The following RBAK variants were observed in gnomAD, a reference collection of about 807,000 sequenced individuals.
The protein encoded by RBAK is RB associated KRAB zinc finger.
RBAK carries 39 observed loss-of-function variants against 65.8 expected under a neutral mutation model. The observed-to-expected ratio is 0.59, with a 90% CI of 0.46 to 0.77. The LOEUF (loss-of-function observed/expected upper bound fraction) is 0.77, where lower values mean the gene tolerates loss of function less well. RBAK is among the 30% of genes least tolerant of loss of function. The probability of loss-of-function intolerance (pLI) is 0.00; values close to 1 mark genes in which losing one functional copy is unlikely to be tolerated. For missense variants in RBAK, 884 were observed against 855.1 expected, an observed-to-expected ratio of 1.03 and a Z score of -0.42; for synonymous variants, 343 against 289.7, an observed-to-expected ratio of 1.18 and a Z score of -1.87.
chr7:5,050,848 G>A (rs1280381918), intron 2 of RBAK, among the ~76,000 whole-genome samples: 5 of 152,112 alleles, frequency 3.3e-5, no homozygotes, highest in Non-Finnish European at 4.4e-5. Flanking sequence ...TGGCATTACA[G>A]GCATGAGTCA....
intron 2 of RBAK, among the ~76,000 whole-genome samples, chr7:5,054,321 C>T (rs2115031806): frequency 6.6e-6 from 1 of 151,482 alleles, no homozygotes; most frequent in African/African-American, 2.4e-5. Context: ...AGGAGAATCG[C>T]TGGAACCCGG....
rs1779186120 is a variant in RBAK at position 5,065,158 on chromosome 7, G to A, written c.1702G>A (p.Gly568Arg). ...YRSHSEEKPY[G>R]CSECGKTFSH... ...AAGTCATTCAGAAGAGAAACCTTAT[G>A]GATGTAGCGAATGTGGGAAAACCTT... is the stretch of plus-strand genomic sequence containing the variant. The change falls in exon 5 of 5, where the codon GGA becomes AGA. Residue 568 changes from glycine to arginine, a missense_variant. Gly to Arg is a moderately radical substitution (Grantham distance 125). Coordinates refer to ENST00000396912, the MANE Select transcript of RBAK (RefSeq NM_021163.4). The surrounding 1 kb of genome is among the most constrained non-coding windows in gnomAD (Gnocchi z 5.3). 1 of 1,613,798 alleles carries A rather than the reference G, an allele frequency of 6.2e-7. No homozygotes were observed. The highest frequency in any genetic ancestry group is 8.5e-7 in the Non-Finnish European group (1 of 1,179,906).
intron 4 of RBAK, among the ~76,000 whole-genome samples, chr7:5,058,687 T>C (rs1334043306): frequency 6.6e-5 from 10 of 152,194 alleles, no homozygotes; most frequent in Admixed American, 5.2e-4. Flanking sequence ...GTCTGTGTGT[T>C]CATTTCCCCT....
rs2115052907 is a variant in RBAK, at chr7:5,068,961, G to C, written c.*3360G>C. On this transcript the variant is annotated 3_prime_UTR_variant, in exon 5 of 5. Transcript: ENST00000396912. ...TGATTCCTTCTATATAAATTATAAA[G>C]ACGGGCAAAACTTGTATACGTGGTT... 6.6e-6 allele frequency: 1 copy of C among 152,304 alleles called. No homozygotes were observed. Among genetic ancestry groups the C allele is most frequent in the East Asian group, 1.9e-4 (1 of 5,192 alleles). 9.4% of individuals were successfully genotyped at this position (152,304 alleles called of 1,614,324 possible).
At chr7:5,055,298 A>G (rs1157025430) in intron 2 of RBAK, among the ~76,000 whole-genome samples, 2 of 151,954 alleles carry the variant, frequency 1.3e-5, no homozygotes, top group Non-Finnish European at 2.9e-5. Context: ...GTATATACAC[A>G]CAAACTGTAT....
Position 5,068,352 on chromosome 7 carries a change from T to A in RBAK, c.*2751T>A, listed in dbSNP as rs1779271048. The A allele has an allele frequency of 6.6e-6, 1 of 152,070 alleles. No homozygotes were observed. The highest frequency in any genetic ancestry group is 1.5e-5 in the Non-Finnish European group (1 of 68,020). 9.4% of individuals were successfully genotyped at this position (152,070 alleles called of 1,614,324 possible). A position where few individuals can be genotyped will look rare whatever the true frequency, so the allele number is the denominator to read the frequency against. ...GCACTCATAGTTTTCTGGTCCCTGATCTCGAATATGTAAAGAGCACCTACA... is the reference window on the plus strand; with the variant it reads ...GCACTCATAGTTTTCTGGTCCCTGAACTCGAATATGTAAAGAGCACCTACA... On this transcript the variant is annotated 3_prime_UTR_variant, in exon 5 of 5. Transcript: ENST00000396912.
chr7:5,064,822 C>A lies in RBAK; in HGVS notation c.1366C>A (p.Pro456Thr), dbSNP rs757611790. 6 of 1,613,916 alleles carry A rather than the reference C, an allele frequency of 3.7e-6. No homozygotes were observed. In the South Asian group the frequency reaches 6.6e-5, roughly 18 times the overall value. Residue 456 changes from proline (P) to threonine (T), a missense_variant, in exon 5 of 5, where the codon CCC (proline) becomes ACC (threonine). Pro to Thr is a conservative substitution (Grantham distance 38). Coordinates refer to ENST00000396912, the MANE Select transcript of RBAK (RefSeq NM_021163.4). The surrounding 1 kb of genome is among the most constrained non-coding windows in gnomAD (Gnocchi z 6.3). ...IHYRSHLEEK[P>T]YECNECGKTF... ...TTATAGAAGTCATTTAGAAGAGAAA[C>A]CCTATGAATGTAATGAATGTGGCAA... is the stretch of plus-strand genomic sequence containing the variant.
At chr7:5,063,593 A>C in intron 4 of RBAK, 102 bp from the exon 5 acceptor site, 1 of 897,140 alleles carries the variant, frequency 1.1e-6, no homozygotes, top group Non-Finnish European at 1.6e-6. Flanking sequence ...ATTGGCTCTA[A>C]AGCCAGAGTC....
At position 5,064,854 on chromosome 7, in the gene RBAK, C is replaced by A; in HGVS notation, c.1398C>A (p.Phe466Leu). ...AATGTAATGAATGTGGCAAAACCTT[C>A]AATTTAAATTCAGCCTTCATTAGAC... Reference protein sequence around the residue: ...PYECNECGKTFNLNSAFIRHR... With the variant: ...PYECNECGKTLNLNSAFIRHR... Residue 466 changes from phenylalanine to leucine, a missense_variant, in exon 5 of 5, where the codon TTC (phenylalanine) becomes TTA (leucine). Coordinates refer to ENST00000396912, the MANE Select transcript of RBAK (RefSeq NM_021163.4). The surrounding 1 kb of genome is among the most constrained non-coding windows in gnomAD (Gnocchi z 6.3). The A allele has an allele frequency of 1.2e-6, 2 of 1,613,878 alleles. No homozygotes were observed. The highest frequency in any genetic ancestry group is 1.7e-6 in the Non-Finnish European group (2 of 1,179,840).
Position 5,064,339 on chromosome 7 carries a change from G to C in RBAK, c.883G>C (p.Gly295Arg). The change falls in exon 5 of 5, where the codon GGG becomes CGG. Residue 295 changes from glycine (G) to arginine (R), a missense_variant. By Grantham distance (125) the Gly-to-Arg change is moderately radical. Transcript: ENST00000396912. The surrounding 1 kb of genome is among the most constrained non-coding windows in gnomAD (Gnocchi z 6.3). The part of the protein sequence containing the change: ...GEKPYECNVC[G>R]KSFSQKGTLT... Reference sequence around the variant, plus strand: ...GAAACCTTATGAATGTAATGTATGTGGGAAATCCTTCAGCCAAAAGGGAAC... The same window carrying C: ...GAAACCTTATGAATGTAATGTATGTCGGAAATCCTTCAGCCAAAAGGGAAC... 1 of 1,614,048 alleles carries C rather than the reference G, an allele frequency of 6.2e-7. No homozygotes were observed.
intron 2 of RBAK, among the ~76,000 whole-genome samples, chr7:5,052,546 A>T (rs771311325): frequency 5.3e-5 from 8 of 152,118 alleles, no homozygotes; most frequent in Non-Finnish European, 8.8e-5. Flanking sequence ...AGTGAGTTAG[A>T]ATTTATAGTA....
intron 2 of RBAK, among the ~76,000 whole-genome samples, chr7:5,052,343 CATGTA>C (rs1367332428): frequency 6.6e-6 from 1 of 152,156 alleles, no homozygotes; most frequent in African/African-American, 2.4e-5. Flanking sequence ...AGACTGTTTA[CATGTA>C]ATGTAATTAT....
Position 5,048,393 on chromosome 7 carries a change from C to CA in RBAK, c.15+305dup. On this transcript the variant is annotated intron_variant, in intron 2 of 4. Coordinates refer to ENST00000396912, the MANE Select transcript of RBAK (RefSeq NM_021163.4). The surrounding 1 kb of genome is among the most constrained non-coding windows in gnomAD (Gnocchi z 4.4). ...TTCACCATGTTGGCCAGGCTGGTCT[C>CA]AAACTCCTGACCTCAGGTGATCCTC... Among the ~76,000 whole-genome samples the CA allele has an allele frequency of 6.6e-6, 1 of 152,276 alleles. No homozygotes were observed. Among genetic ancestry groups the CA allele is most frequent in the African/African-American group, 2.4e-5 (1 of 41,548 alleles).
intron 3 of RBAK, 37 bp from the exon 4 acceptor site, chr7:5,057,647 C>A: frequency 6.2e-7 from 1 of 1,612,124 alleles, no homozygotes; most frequent in Non-Finnish European, 8.5e-7. Flanking sequence ...TGAAGCCAAG[C>A]AGCTTCCCCA....
At chr7:5,057,013 TGC>T (rs1778933768) in intron 2 of RBAK, 1 of 160,016 alleles carries the variant, frequency 6.2e-6, no homozygotes, top group East Asian at 1.9e-4. Context: ...CTAGTTCACT[TGC>T]AAAATAGGAG....
chr7:5,061,899 A>C (rs1462822005), intron 4 of RBAK, among the ~76,000 whole-genome samples: 1 of 112,658 alleles, frequency 8.9e-6, no homozygotes, highest in African/African-American at 3.9e-5. Flanking sequence ...CTCCATCTAC[A>C]AAAAAAAAAA....
chr7:5,052,349 A>G (rs1788134216), intron 2 of RBAK, among the ~76,000 whole-genome samples: 1 of 152,146 alleles, frequency 6.6e-6, no homozygotes, highest in South Asian at 2.1e-4. Context: ...TTTACATGTA[A>G]TGTAATTATT....
rs111709293 is a variant in RBAK at position 5,046,341 on chromosome 7, A to G, written c.-100A>G. 1 of 515,238 alleles carries G rather than the reference A, an allele frequency of 1.9e-6. No individual in the cohort carries two copies. Among genetic ancestry groups the G allele is most frequent in the South Asian group, 1.4e-5 (1 of 71,278 alleles). 31.9% of individuals were successfully genotyped at this position (515,238 alleles called of 1,614,324 possible). On this transcript the variant is annotated 5_prime_UTR_variant, in exon 1 of 5. Transcript: ENST00000396912. ...CGAGCAGACGCGCGCCAGCGACAGC[A>G]GCCCCGCCCCGGCCTCTCGGGAGCC...
chr7:5,063,437 C>G (rs1373852535), intron 4 of RBAK, among the ~76,000 whole-genome samples: 1 of 150,350 alleles, frequency 6.7e-6, no homozygotes, highest in Non-Finnish European at 1.5e-5. Flanking sequence ...TATGAATTTA[C>G]TCTTCTATTT....
Sources: allele counts gnomAD v4.1 joint callset (sites outside exome capture counted in the v4.1 genomes callset), GRCh38; gene constraint gnomAD v4.1.1; non-coding constraint Gnocchi (gnomAD v3.1); transcripts MANE v1.5; gene names NCBI Gene and HGNC (gene_info 2026-07-23, HGNC 2026-07-21).